The following LYRM1 variants were observed in gnomAD, a reference collection of about 807,000 sequenced individuals.
LYRM1 encodes the protein LYR motif-containing protein 1.
In LYRM1, 14 loss-of-function variants were observed where a neutral mutation model predicts 14.9. That is an observed-to-expected ratio of 0.94 (90% confidence interval 0.62 to 1.47). LYRM1 has a LOEUF of 1.47. LYRM1 is among the 40% of genes most tolerant of loss of function. LYRM1 has a pLI of 0.00. For synonymous variants in LYRM1, 43 were observed against 56.2 expected, an observed-to-expected ratio of 0.77 and a Z score of 1.05; for missense variants, 153 against 149.9, an observed-to-expected ratio of 1.02 and a Z score of -0.11.
chr16:20,913,623 T>C (rs1423092389), intron 1 of LYRM1, among the ~76,000 whole-genome samples: 1 of 151,848 alleles, frequency 6.6e-6, no homozygotes, highest in Non-Finnish European at 1.5e-5. Flanking sequence ...CTATATCTTT[T>C]TGTATCTGAA....
At position 20,913,069 on chromosome 16, in the gene LYRM1, AAATAAT is replaced by A. The variant is rs34662196; in HGVS notation, c.1-2462_1-2457del. 7.5e-3 allele frequency among the ~76,000 whole-genome samples: 1,086 copies of A among 145,038 alleles called. 13 individuals carry two copies. Among genetic ancestry groups the A allele is most frequent in the African/African-American group, 0.021 (814 of 39,428 alleles). On this transcript the variant is annotated intron_variant, in intron 1 of 3. Transcript: ENST00000567954. The stretch of plus-strand genomic sequence containing the variant: ...CAACAAAAGCGAAACTCTGTCTCAA[AAATAAT>A]AATAATAATAATAATAATAATAATT...
chr16:20,910,849 G>A (rs942468142), intron 1 of LYRM1, among the ~76,000 whole-genome samples: 4 of 152,178 alleles, frequency 2.6e-5, no homozygotes, highest in African/African-American at 9.7e-5. Context: ...TTTCTCAAGT[G>A]TCTTGCAGTC....
At chr16:20,910,779 A>T (rs2082552247) in intron 1 of LYRM1, among the ~76,000 whole-genome samples, 1 of 152,098 alleles carries the variant, frequency 6.6e-6, no homozygotes, top group Non-Finnish European at 1.5e-5. Context: ...GCCTCTAAAA[A>T]AAAAAACAAC....
At chr16:20,918,883 G>A (rs921521066) in intron 2 of LYRM1, among the ~76,000 whole-genome samples, 1 of 152,142 alleles carries the variant, frequency 6.6e-6, no homozygotes, top group Non-Finnish European at 1.5e-5. Context: ...TCACAGCTGT[G>A]GTTCTCTGCA....
intron 2 of LYRM1, among the ~76,000 whole-genome samples, chr16:20,919,555 T>C (rs567879366): frequency 1.3e-5 from 2 of 152,350 alleles, no homozygotes; most frequent in Admixed American, 6.5e-5. Flanking sequence ...GAGAGATCCA[T>C]AGCGGAATCA....
intron 3 of LYRM1, chr16:20,921,421 G>A (rs1189413093): frequency 6.6e-6 from 1 of 151,118 alleles, no homozygotes; most frequent in East Asian, 1.9e-4. Context: ...CGTTTTTTTG[G>A]AGACAGAGTC....
Position 20,922,475 on chromosome 16 carries a change from C to T in LYRM1, c.253-1525C>T, listed in dbSNP as rs532201178. On this transcript the variant is annotated intron_variant, in intron 3 of 3. Coordinates refer to ENST00000567954, the MANE Select transcript of LYRM1 (RefSeq NM_001128302.3). ...ATCTAGACAGAGATACATCTAGATA[C>T]GCCTGAAAGGAGTTTTTTTGGTTCT... 4.5e-4 allele frequency among the ~76,000 whole-genome samples: 68 copies of T among 152,114 alleles called. No homozygotes were observed. The South Asian group carries it at 5.2e-3, about 12-fold the overall frequency.
intron 2 of LYRM1, among the ~76,000 whole-genome samples, chr16:20,916,365 T>C (rs935753586): frequency 2.0e-5 from 3 of 152,146 alleles, no homozygotes; most frequent in African/African-American, 7.2e-5. Context: ...CTCCCGGCAC[T>C]AAGCATGGAA....
chr16:20,923,871 A>G (rs900660902), intron 3 of LYRM1, 129 bp from the exon 4 acceptor site: 3 of 565,202 alleles, frequency 5.3e-6, no homozygotes, highest in African/African-American at 1.9e-5. Flanking sequence ...TAACTTGTGT[A>G]AAGATTAATG....
intron 1 of LYRM1, among the ~76,000 whole-genome samples, chr16:20,908,420 C>T (rs925851889): frequency 6.6e-6 from 1 of 152,154 alleles, no homozygotes; most frequent in African/African-American, 2.4e-5. Flanking sequence ...CAGTGTATTT[C>T]GTGATTAAAA....
chr16:20,915,157 C>G (rs2082808397), intron 1 of LYRM1, among the ~76,000 whole-genome samples: 1 of 152,164 alleles, frequency 6.6e-6, no homozygotes, highest in Non-Finnish European at 1.5e-5. Context: ...TATTTCTAGA[C>G]TAATTAAAGG....
chr16:20,923,529 T>G (rs970327849), intron 3 of LYRM1, among the ~76,000 whole-genome samples: 6 of 149,574 alleles, frequency 4.0e-5, no homozygotes, highest in Admixed American at 1.3e-4. Flanking sequence ...AAAGAAAAAT[T>G]AACCATCCCA....
rs551553302 is a variant in LYRM1, at chr16:20,916,955, C to T, written c.159+1241C>T. Among the ~76,000 whole-genome samples, 14 of 152,078 alleles carry T rather than the reference C, an allele frequency of 9.2e-5. No individual in the cohort carries two copies. In the East Asian group the frequency reaches 2.7e-3, roughly 29 times the overall value. ...TACAAAGGCTGGACATGGTGGCTCA[C>T]GCCTGTAATCCTACCACTTTGGGAG... is the stretch of plus-strand genomic sequence containing the variant. On this transcript the variant is annotated intron_variant, in intron 2 of 3. Transcript: ENST00000567954.
At chr16:20,908,459 G>A (rs1209308613) in intron 1 of LYRM1, among the ~76,000 whole-genome samples, 1 of 152,214 alleles carries the variant, frequency 6.6e-6, no homozygotes, top group Non-Finnish European at 1.5e-5. Flanking sequence ...GACCAGCTGA[G>A]TTTGAATCCT....
At chr16:20,916,501 ACTGT>A (rs1379402581) in intron 2 of LYRM1, among the ~76,000 whole-genome samples, 1 of 151,998 alleles carries the variant, frequency 6.6e-6, no homozygotes, top group East Asian at 1.9e-4. Flanking sequence ...CTGACCTCTG[ACTGT>A]CTCTCTTCAG....
At chr16:20,920,418 C>A (rs887109341) in intron 3 of LYRM1, 1 of 534,384 alleles carries the variant, frequency 1.9e-6, no homozygotes, top group Non-Finnish European at 3.3e-6. Context: ...ATCCTGCTTA[C>A]ATAGCTTTCC....
chr16:20,909,027 G>A lies in LYRM1; in HGVS notation c.1-6529G>A, dbSNP rs577315874. Among the ~76,000 whole-genome samples, 4 of 152,268 alleles carry A rather than the reference G, an allele frequency of 2.6e-5. No homozygotes were observed. In the East Asian group the frequency reaches 7.7e-4, roughly 29 times the overall value. The stretch of plus-strand genomic sequence containing the variant: ...AAATCTAAATCACTCAAAATTATGG[G>A]TTTGATGGGCTTTTCTAATATACAG... On this transcript the variant is annotated intron_variant, in intron 1 of 3. Coordinates refer to ENST00000567954, the MANE Select transcript of LYRM1 (RefSeq NM_001128302.3).
At chr16:20,922,310 C>A (rs2083235538) in intron 3 of LYRM1, among the ~76,000 whole-genome samples, 1 of 151,948 alleles carries the variant, frequency 6.6e-6, no homozygotes. Context: ...TAAATGATTG[C>A]ATTGTATGCT....
At position 20,923,986 on chromosome 16, in the gene LYRM1, T is replaced by C; in HGVS notation, c.253-14T>C. ...ATGATGAATATGATTCTTCATATTA[T>C]TGTTCTTATTCAGATTCATCTGCCT... On this transcript the variant is annotated splice_polypyrimidine_tract_variant and intron_variant, in intron 3 of 3. Coordinates refer to ENST00000567954, the MANE Select transcript of LYRM1 (RefSeq NM_001128302.3). 3.6e-6 allele frequency: 5 copies of C among 1,376,438 alleles called. No individual in the cohort carries two copies. Among genetic ancestry groups the C allele is most frequent in the Non-Finnish European group, 5.1e-6 (5 of 973,794 alleles). 85.3% of individuals were successfully genotyped at this position (1,376,438 alleles called of 1,614,324 possible).
Sources: allele counts gnomAD v4.1 joint callset (sites outside exome capture counted in the v4.1 genomes callset), GRCh38; gene constraint gnomAD v4.1.1; transcripts MANE v1.5; gene names NCBI Gene and HGNC (gene_info 2026-07-23, HGNC 2026-07-21).